The following ANK2 variants were observed in gnomAD, a reference collection of about 807,000 sequenced individuals.
ANK2 encodes the protein ankyrin-2.
ANK2 carries 83 observed loss-of-function variants against 360.5 expected under a neutral mutation model. The observed-to-expected ratio is 0.23, with a 90% confidence interval of 0.19 to 0.28. The LOEUF is 0.28. Among genes scored for constraint, ANK2 ranks in the 10% least tolerant of loss-of-function variants. The pLI, the probability that ANK2 is intolerant of heterozygous loss-of-function variation, is 1.00. For synonymous variants in ANK2, 1,740 were observed against 1,759.5 expected, an observed-to-expected ratio of 0.99 and a Z score of 0.28; for missense variants, 4,201 against 4,795.7, an observed-to-expected ratio of 0.88 and a Z score of 3.66.
chr4:113,023,906 G>A (rs2058702373), intron 2 of ANK2, among the ~76,000 whole-genome samples: 1 of 152,168 alleles, frequency 6.6e-6, no homozygotes, highest in Non-Finnish European at 1.5e-5. Context: ...CAGATTGGGG[G>A]AACATATTGC....
At chr4:113,047,898 G>C (rs1320464841), upstream of ANK2, among the ~76,000 whole-genome samples, 1 of 151,942 alleles carries the variant, frequency 6.6e-6, no homozygotes, top group African/African-American at 2.4e-5. Context: ...ACAGCAATGG[G>C]GAAATAGGTG....
At chr4:112,785,329 G>A in the ANK2 span, among the ~76,000 whole-genome samples, 1 of 152,032 alleles carries the variant, frequency 6.6e-6, no homozygotes, top group Non-Finnish European at 1.5e-5. Context: ...GCTCTTGGCA[G>A]TAGTGGCTTT....
intron 2 of ANK2, among the ~76,000 whole-genome samples, chr4:112,950,537 A>C (rs920284232): frequency 2.0e-5 from 3 of 151,584 alleles, no homozygotes; most frequent in Non-Finnish European, 4.4e-5. Flanking sequence ...CCAGCTACTC[A>C]GGAGGCTGAG....
At chr4:113,105,363 T>C (rs1385662) in intron 1 of ANK2, among the ~76,000 whole-genome samples, 29,508 of 152,052 alleles carry the variant, frequency 0.19, 2,939 homozygotes, top group Non-Finnish European at 0.22. Flanking sequence ...GAAGAGACTG[T>C]GGACCAGGCA....
chr4:113,178,946 G>A (rs1468711221), intron 2 of ANK2, among the ~76,000 whole-genome samples: 1 of 152,134 alleles, frequency 6.6e-6, no homozygotes, highest in Non-Finnish European at 1.5e-5. Flanking sequence ...TAATACAGTG[G>A]TGATGTCCTT....
intron 15 of ANK2, 70 bp from the exon 16 acceptor site, chr4:113,277,767 A>G: frequency 7.7e-7 from 1 of 1,304,250 alleles, no homozygotes. Context: ...CAATATGTTA[A>G]CAAATAAAAA....
intron 2 of ANK2, among the ~76,000 whole-genome samples, chr4:112,934,488 T>A (rs533004584): frequency 6.6e-6 from 1 of 152,360 alleles, no homozygotes; most frequent in South Asian, 2.1e-4. Flanking sequence ...TTTGAATTTT[T>A]AATCAACTTT....
At chr4:113,350,483 C>G (rs1432887616) in intron 37 of ANK2, 2 of 432,508 alleles carry the variant, frequency 4.6e-6, no homozygotes, top group Non-Finnish European at 8.3e-6. Context: ...TAAGCATTCA[C>G]TTTCTTTTGA....
At position 113,051,646 on chromosome 4, in the gene ANK2, G is replaced by A. The variant is rs535739972; in HGVS notation, c.84+1834G>A. Among the ~76,000 whole-genome samples the A allele has an allele frequency of 1.1e-4, 16 of 152,114 alleles. No homozygotes were observed. In the South Asian group the frequency reaches 1.5e-3, roughly 14 times the overall value. The stretch of plus-strand genomic sequence containing the variant: ...CTAATTACATAATAGATTAGGGGAC[G>A]CACACACATAAACACACACATACAC... On this transcript the variant is annotated intron_variant, in intron 1 of 45. Coordinates refer to ENST00000357077, the MANE Select transcript of ANK2 (RefSeq NM_001148.6).
chr4:112,838,028 G>T (rs977684952), intron 1 of ANK2, among the ~76,000 whole-genome samples: 1 of 152,146 alleles, frequency 6.6e-6, no homozygotes, highest in Admixed American at 6.5e-5. Context: ...GGGGTAGAAT[G>T]ATATGGTTTG....
intron 24 of ANK2, chr4:113,317,459 T>A (rs980862536): frequency 3.0e-5 from 16 of 527,036 alleles, no homozygotes; most frequent in Non-Finnish European, 5.5e-5. Flanking sequence ...TGAATCAGAT[T>A]AGGAGTATCA....
intron 2 of ANK2, among the ~76,000 whole-genome samples, chr4:112,996,848 A>G (rs2048703665): frequency 6.6e-6 from 1 of 152,030 alleles, no homozygotes; most frequent in South Asian, 2.1e-4. Flanking sequence ...TTTATTCATT[A>G]TTTCTAATTT....
At chr4:113,025,754 G>T (rs1336569304) in intron 2 of ANK2, among the ~76,000 whole-genome samples, 2 of 152,114 alleles carry the variant, frequency 1.3e-5, no homozygotes, top group Admixed American at 6.5e-5. Context: ...AGGGTGGAGG[G>T]GAAGGGGGTC....
intron 1 of ANK2, among the ~76,000 whole-genome samples, chr4:112,893,493 T>C (rs2080782709): frequency 6.6e-6 from 1 of 152,180 alleles, no homozygotes; most frequent in African/African-American, 2.4e-5. Context: ...GCTAATATAA[T>C]TGTGGTTTTT....
chr4:113,233,113 T>TCA (rs2099334983), intron 5 of ANK2, among the ~76,000 whole-genome samples: 1 of 5,144 alleles, frequency 1.9e-4, no homozygotes, highest in African/African-American at 7.4e-4. Context: ...TCTGTTTTTT[T>TCA]TTTTTTTTTT....
At chr4:113,288,624 G>A in intron 20 of ANK2, 138 bp downstream of exon 20, 2 of 745,366 alleles carry the variant, frequency 2.7e-6, no homozygotes, top group Non-Finnish European at 4.5e-6. Flanking sequence ...AGGTGATGTA[G>A]TTTTGTAATT....
intron 1 of ANK2, among the ~76,000 whole-genome samples, chr4:113,155,959 G>T (rs895094706): frequency 2.6e-5 from 4 of 152,200 alleles, no homozygotes; most frequent in Non-Finnish European, 5.9e-5. Flanking sequence ...TGTTGAGGTG[G>T]TCTCTTTGGC....
At chr4:113,191,076 A>G (rs1304645124) in intron 2 of ANK2, among the ~76,000 whole-genome samples, 1 of 152,214 alleles carries the variant, frequency 6.6e-6, no homozygotes, top group African/African-American at 2.4e-5. Context: ...ATGGTGGTTC[A>G]CGCCTATAAT....
intron 13 of ANK2, among the ~76,000 whole-genome samples, chr4:113,264,071 C>T (rs939425209): frequency 6.6e-6 from 1 of 152,212 alleles, no homozygotes; most frequent in Non-Finnish European, 1.5e-5. Flanking sequence ...CTGACAGTCA[C>T]TTTATTCATC....
Sources: gnomAD v4.1 joint callset for allele counts (sites outside exome capture counted in the v4.1 genomes callset) on GRCh38, gnomAD v4.1.1 for gene constraint, MANE v1.5 for transcripts, NCBI Gene and HGNC (gene_info 2026-07-23, HGNC 2026-07-21) for gene names.